Variants in SLC5A4 observed in about 807,000 individuals in gnomAD.
The protein encoded by SLC5A4 is solute carrier family 5 member 4.
SLC5A4 carries 55 observed loss-of-function variants against 70.3 expected under a neutral mutation model. That is an observed-to-expected ratio of 0.78 (90% CI 0.63 to 0.98). The LOEUF is 0.98. Among genes scored for constraint, SLC5A4 ranks in the 50% least tolerant of loss-of-function variants. The pLI, the probability that SLC5A4 is intolerant of heterozygous loss-of-function variation, is 0.00. For missense variants in SLC5A4, 735 were observed against 839.2 expected (o/e 0.88, Z 1.53); for synonymous variants, 268 against 305.7 (o/e 0.88, Z 1.29).
intron 5 of SLC5A4, among the ~76,000 whole-genome samples, chr22:32,246,985 C>T (rs905946606): frequency 1.3e-5 from 2 of 152,078 alleles, no homozygotes; most frequent in South Asian, 4.1e-4. Flanking sequence ...GTTCACGTGT[C>T]AGATAATAAA....
the SLC5A4 span, among the ~76,000 whole-genome samples, chr22:32,314,480 G>A: frequency 4.6e-5 from 7 of 152,218 alleles, no homozygotes; most frequent in Admixed American, 3.9e-4. Flanking sequence ...CAAATATAAA[G>A]TCAACAGAAA....
the SLC5A4 span, chr22:32,272,264 G>T: frequency 1.2e-6 from 1 of 801,838 alleles, no homozygotes; most frequent in Non-Finnish European, 2.3e-6. Flanking sequence ...GCCAGCCCTT[G>T]ACCAAGAACA....
the SLC5A4 span, among the ~76,000 whole-genome samples, chr22:32,324,407 G>GCCTCAGGGCCT: frequency 1.3e-5 from 2 of 151,914 alleles, no homozygotes; most frequent in Non-Finnish European, 2.9e-5. Context: ...TCTTAGCTGG[G>GCCTCAGGGCCT]CCTCAGGGCC....
At chr22:32,352,559 G>A in the SLC5A4 span, among the ~76,000 whole-genome samples, 1,108 of 152,260 alleles carry the variant, frequency 7.3e-3, 7 homozygotes, top group Non-Finnish European at 0.011. Flanking sequence ...AGATTCTGCA[G>A]GAGATGCGGG....
At chr22:32,332,013 A>AC in the SLC5A4 span, among the ~76,000 whole-genome samples, 1 of 149,616 alleles carries the variant, frequency 6.7e-6, no homozygotes, top group Non-Finnish European at 1.5e-5. Context: ...TCCTCCTTGG[A>AC]CCCCCACCTC....
chr22:32,319,978 AC>A, the SLC5A4 span, among the ~76,000 whole-genome samples: 25 of 152,146 alleles, frequency 1.6e-4, no homozygotes, highest in African/African-American at 4.8e-4. Flanking sequence ...CTCTACAGAA[AC>A]CAGGAAGCCT....
chr22:32,323,997 TC>T, the SLC5A4 span, among the ~76,000 whole-genome samples: 3 of 152,170 alleles, frequency 2.0e-5, no homozygotes, highest in African/African-American at 7.2e-5. Flanking sequence ...GTCTTTGCAT[TC>T]CCCAGAGCGG....
the SLC5A4 span, among the ~76,000 whole-genome samples, chr22:32,315,794 TAAAAAAAAA>T: frequency 2.1e-5 from 2 of 95,914 alleles, no homozygotes; most frequent in African/African-American, 3.8e-5. Context: ...CACACTTGCT[TAAAAAAAAA>T]AAAAAAAAAA....
the SLC5A4 span, among the ~76,000 whole-genome samples, chr22:32,340,217 C>T: frequency 2.6e-5 from 4 of 152,178 alleles, no homozygotes; most frequent in African/African-American, 9.7e-5. Context: ...CTAAATGGCA[C>T]AATTTGTTAC....
the SLC5A4 span, among the ~76,000 whole-genome samples, chr22:32,328,156 A>G: frequency 6.6e-6 from 1 of 151,656 alleles, no homozygotes; most frequent in Non-Finnish European, 1.5e-5. Context: ...ACACACACCA[A>G]CTGTTGACTT....
Position 32,224,332 on chromosome 22 carries a change from A to G in SLC5A4, c.1600T>C (p.Phe534Leu), listed in dbSNP as rs1170209152. 1 of 1,614,198 alleles carries G rather than the reference A, an allele frequency of 6.2e-7. No individual in the cohort carries two copies. ...VHYLYFSIVL[F>L]FGSMLVTLGI... ...AGGGTGACCAGCATGGACCCAAAAAAGAGAACGATGGAAAAGTACAGATAG... is the reference window on the plus strand; with the variant it reads ...AGGGTGACCAGCATGGACCCAAAAAGGAGAACGATGGAAAAGTACAGATAG... The change falls in exon 13 of 15, where the codon TTT (phenylalanine) becomes CTT (leucine). Residue 534 changes from phenylalanine to leucine, a missense_variant. Coordinates refer to ENST00000266086, the MANE Select transcript of SLC5A4 (RefSeq NM_014227.3).
chr22:32,312,307 G>A, the SLC5A4 span, among the ~76,000 whole-genome samples: 1 of 151,550 alleles, frequency 6.6e-6, no homozygotes, highest in Non-Finnish European at 1.5e-5. Context: ...CTTGAGGGGG[G>A]AAGCCCCAAT....
At chr22:32,255,485 C>T (rs1442262341), upstream of SLC5A4, 3 of 710,314 alleles carry the variant, frequency 4.2e-6, no homozygotes, top group Non-Finnish European at 7.1e-6. Context: ...GCACCCCAGC[C>T]CTCCACCAGT....
chr22:32,281,561 C>T, the SLC5A4 span, among the ~76,000 whole-genome samples: 2 of 152,172 alleles, frequency 1.3e-5, no homozygotes, highest in African/African-American at 2.4e-5. Flanking sequence ...TGGGGTCTCA[C>T]TTTGTTGCCC....
chr22:32,312,672 C>T, the SLC5A4 span, among the ~76,000 whole-genome samples: 2 of 152,050 alleles, frequency 1.3e-5, no homozygotes, highest in Admixed American at 6.5e-5. Flanking sequence ...CTTAGAAGTC[C>T]GCAGAAGGGG....
chr22:32,353,483 C>T, the SLC5A4 span, among the ~76,000 whole-genome samples: 1 of 152,086 alleles, frequency 6.6e-6, no homozygotes, highest in East Asian at 1.9e-4. Flanking sequence ...ATCCGCCGCG[C>T]TCCAGCAGGA....
the SLC5A4 span, among the ~76,000 whole-genome samples, chr22:32,300,397 ATTCGGGTGGGAGTGACCTGATT>A: frequency 3.3e-5 from 5 of 152,128 alleles, no homozygotes; most frequent in East Asian, 9.7e-4. Context: ...AAAGCGCAGT[ATTCGGGTGGGAGTGACCTGATT>A]TTCCAGGTGC....
the SLC5A4 span, chr22:32,270,264 G>A: frequency 2.7e-6 from 2 of 735,038 alleles, no homozygotes; most frequent in Admixed American, 3.7e-5. Context: ...CTGCCTTCCT[G>A]TCTGAAGAGT....
At position 32,234,938 on chromosome 22, in the gene SLC5A4, T is replaced by A. The variant is rs771544755; in HGVS notation, c.820A>T (p.Ile274Phe). Residue 274 changes from isoleucine (I) to phenylalanine (F), a missense_variant, in exon 8 of 15, where the codon ATT (isoleucine) becomes TTT (phenylalanine). By Grantham distance (21) the Ile-to-Phe change is conservative. Transcript: ENST00000266086. ...CCAAATATAATTCCTGGCCATGGAA[T>A]GTCCCCAGTCACAGCATCTCGGAAG... ...HIFRDAVTGD[I>F]PWPGIIFGMP... is the part of the protein sequence containing the mutation. 1.4e-5 allele frequency: 23 copies of A among 1,613,090 alleles called. No individual in the cohort carries two copies. Among genetic ancestry groups the A allele is most frequent in the Non-Finnish European group, 1.9e-5 (22 of 1,180,032 alleles).
Sources: gnomAD v4.1 joint callset for allele counts (sites outside exome capture counted in the v4.1 genomes callset) on GRCh38, gnomAD v4.1.1 for gene constraint, MANE v1.5 for transcripts, NCBI Gene and HGNC (gene_info 2026-07-23, HGNC 2026-07-21) for gene names.